Variants in SHANK2 observed in about 807,000 individuals in gnomAD.
SHANK2 encodes SH3 and multiple ankyrin repeat domains protein 2.
Under a neutral mutation model 133.7 loss-of-function variants are expected in SHANK2, and 43 were observed. The observed-to-expected ratio is 0.32, with a 90% confidence interval of 0.25 to 0.41. The LOEUF is 0.41. SHANK2 is among the 10% of genes least tolerant of loss of function. The pLI, the probability that SHANK2 is intolerant of heterozygous loss-of-function variation, is 1.00. For synonymous variants in SHANK2, 1,017 were observed against 952.8 expected (o/e 1.07, Z -1.24); for missense variants, 1,994 against 2,235.8 (o/e 0.89, Z 2.18).
At chr11:70,635,462 A>G (rs1455938716) in intron 17 of SHANK2, 1 of 152,068 alleles carries the variant, frequency 6.6e-6, no homozygotes, top group Non-Finnish European at 1.5e-5. Context: ...TACCAAGCAC[A>G]AAAAGATAAA....
At chr11:70,563,353 CT>C (rs1554981246) in intron 17 of SHANK2, among the ~76,000 whole-genome samples, 1 of 152,232 alleles carries the variant, frequency 6.6e-6, no homozygotes, top group African/African-American at 2.4e-5. Context: ...CACTTCCACT[CT>C]TCCCCTCCTA....
chr11:71,200,116 C>T (rs1424174851), intron 2 of SHANK2, among the ~76,000 whole-genome samples: 2 of 152,184 alleles, frequency 1.3e-5, no homozygotes, highest in African/African-American at 4.8e-5. Flanking sequence ...AAACCCTAAA[C>T]CCATTAGCAG....
intron 2 of SHANK2, among the ~76,000 whole-genome samples, chr11:71,201,510 C>T (rs1021637393): frequency 1.3e-5 from 2 of 152,208 alleles, no homozygotes; most frequent in Non-Finnish European, 2.9e-5. Context: ...CCACAGACGG[C>T]GGTCACTGAT....
At chr11:70,502,348 G>T in intron 18 of SHANK2, 62 bp from the exon 19 acceptor site, 1 of 1,462,700 alleles carries the variant, frequency 6.8e-7, no homozygotes, top group Non-Finnish European at 9.3e-7. Context: ...ATGGGAATAA[G>T]GCTAGCAGTG....
chr11:71,086,261 T>C (rs1289744214), intron 8 of SHANK2, among the ~76,000 whole-genome samples: 10,886 of 40,568 alleles, frequency 0.27, 1,426 homozygotes, highest in South Asian at 0.4. Context: ...ATATATGTTA[T>C]ATATTATATA....
At chr11:70,739,000 G>A (rs1311711006) in intron 14 of SHANK2, among the ~76,000 whole-genome samples, 1 of 152,194 alleles carries the variant, frequency 6.6e-6, no homozygotes, top group Non-Finnish European at 1.5e-5. Context: ...GACCTGTGGT[G>A]TTCAGACACC....
intron 1 of SHANK2, among the ~76,000 whole-genome samples, chr11:71,240,552 T>C (rs1954875832): frequency 6.6e-6 from 1 of 152,218 alleles, no homozygotes; most frequent in South Asian, 2.1e-4. Flanking sequence ...CCCTAGAGAA[T>C]GAAGGTTACA....
chr11:71,159,969 A>AG (rs1237014058), intron 2 of SHANK2, among the ~76,000 whole-genome samples: 4 of 113,492 alleles, frequency 3.5e-5, no homozygotes, highest in South Asian at 3.2e-4. Flanking sequence ...CCTGGGTGGC[A>AG]GGAAAAAAAA....
intron 11 of SHANK2, among the ~76,000 whole-genome samples, chr11:70,836,544 G>A (rs782594841): frequency 3.9e-5 from 6 of 152,212 alleles, no homozygotes; most frequent in Non-Finnish European, 8.8e-5. Flanking sequence ...TCCCCCATGG[G>A]TAGACGCTGT....
intron 14 of SHANK2, among the ~76,000 whole-genome samples, chr11:70,787,260 C>T (rs1196707706): frequency 6.8e-6 from 1 of 146,236 alleles, no homozygotes; most frequent in East Asian, 2.1e-4. Flanking sequence ...ACCACCACCA[C>T]CAGCAGCATC....
At chr11:70,499,361 C>T (rs1252088599) in intron 21 of SHANK2, among the ~76,000 whole-genome samples, 2 of 152,202 alleles carry the variant, frequency 1.3e-5, no homozygotes, top group African/African-American at 2.4e-5. Flanking sequence ...CTTGCTCAGA[C>T]GGGAGGTGGA....
At chr11:70,599,798 AG>A (rs1554990448) in intron 17 of SHANK2, among the ~76,000 whole-genome samples, 1 of 149,514 alleles carries the variant, frequency 6.7e-6, no homozygotes, top group African/African-American at 2.5e-5. Flanking sequence ...AAAGAAGAAA[AG>A]AAAAGAAAGA....
At position 70,854,731 on chromosome 11, in the gene SHANK2, T is replaced by C. The variant is rs190241576; in HGVS notation, c.1175-34049A>G. ...GTGAAATGTCCCTCTCTGTTCTCAA[T>C]GGGGAGCCCAGGGAGAAACACCCAC... On this transcript the variant is annotated intron_variant, in intron 11 of 25. Transcript: ENST00000601538. Among the ~76,000 whole-genome samples the C allele has an allele frequency of 1.0e-3, 159 of 152,270 alleles. 1 individual carries two copies. The highest frequency in any genetic ancestry group is 6.0e-3 in the East Asian group (31 of 5,168).
chr11:71,110,044 A>G lies in SHANK2; in HGVS notation c.489T>C (p.Asn163=). Reference sequence around the variant, plus strand: ...GAATGTGATCCATGCATTTCTTCAGATTGGTCTAGAAGGAAAAACAATACA... The same window carrying G: ...GAATGTGATCCATGCATTTCTTCAGGTTGGTCTAGAAGGAAAAACAATACA... ...KQLAKLHTKT[N]LKKCMDHIQH... The change falls in exon 6 of 26, where the codon AAT becomes AAC. Residue 163 remains asparagine, a synonymous_variant. Transcript: ENST00000601538. 1 of 1,548,504 alleles carries G rather than the reference A, an allele frequency of 6.5e-7. No individual in the cohort carries two copies. The highest frequency in any genetic ancestry group is 1.2e-5 in the South Asian group (1 of 83,982).
intron 1 of SHANK2, among the ~76,000 whole-genome samples, chr11:71,228,736 C>T (rs925802928): frequency 1.1e-4 from 17 of 152,018 alleles, no homozygotes; most frequent in South Asian, 6.3e-4. Context: ...CCAGCCTGGG[C>T]GACAAGAGTA....
intron 2 of SHANK2, among the ~76,000 whole-genome samples, chr11:71,204,117 G>C (rs577739277): frequency 2.0e-5 from 3 of 152,330 alleles, no homozygotes; most frequent in Non-Finnish European, 4.4e-5. Context: ...GCCTTGGGGA[G>C]CCCTGAACAC....
intron 17 of SHANK2, among the ~76,000 whole-genome samples, chr11:70,582,210 C>T (rs1490919029): frequency 3.9e-5 from 6 of 152,232 alleles, no homozygotes; most frequent in East Asian, 1.9e-4. Flanking sequence ...GGGCCAATGC[C>T]GCCATCCTCA....
intron 2 of SHANK2, among the ~76,000 whole-genome samples, chr11:71,155,086 G>A (rs1282624292): frequency 3.7e-5 from 4 of 109,002 alleles, no homozygotes; most frequent in African/African-American, 1.0e-4. Context: ...CGGAGGAGGG[G>A]TGGACCTACC....
At position 70,469,498 on chromosome 11, in the gene SHANK2, G is replaced by A. The variant is rs1026266164; in HGVS notation, c.*3371C>T. 2.0e-5 allele frequency: 3 copies of A among 151,168 alleles called. No homozygotes were observed. Among genetic ancestry groups the A allele is most frequent in the Admixed American group, 6.6e-5 (1 of 15,158 alleles). The allele number at this position is 151,168 out of a possible 1,614,324, so 9.4% of individuals were successfully genotyped here. A position where few individuals can be genotyped will look rare whatever the true frequency, so the allele number is the denominator to read the frequency against. On this transcript the variant is annotated 3_prime_UTR_variant, in exon 26 of 26. Coordinates refer to ENST00000601538, the MANE Select transcript of SHANK2 (RefSeq NM_012309.5). Reference sequence around the variant, plus strand: ...TTGCCATACAAGAGATTTAAGGATTGGGAGAAAGTGCAAATTACAGGAGCT... The same window carrying A: ...TTGCCATACAAGAGATTTAAGGATTAGGAGAAAGTGCAAATTACAGGAGCT...
Sources: allele counts gnomAD v4.1 joint callset (sites outside exome capture counted in the v4.1 genomes callset), GRCh38; gene constraint gnomAD v4.1.1; transcripts MANE v1.5; gene names NCBI Gene and HGNC (gene_info 2026-07-23, HGNC 2026-07-21).